Variants in B4GALNT3 observed in about 807,000 individuals in gnomAD.
B4GALNT3 encodes beta-1,4-N-acetylgalactosaminyltransferase 3.
Under a neutral mutation model 120.2 loss-of-function variants are expected in B4GALNT3, and 86 were observed. The observed-to-expected ratio is 0.72, with a 90% CI of 0.60 to 0.86. The LOEUF (loss-of-function observed/expected upper bound fraction) is 0.86, where lower values mean the gene tolerates loss of function less well. Among genes scored for constraint, B4GALNT3 ranks in the 40% least tolerant of loss-of-function variants. The pLI, the probability that B4GALNT3 is intolerant of heterozygous loss-of-function variation, is 0.00. For missense variants in B4GALNT3, 1,167 were observed against 1,298.9 expected, an observed-to-expected ratio of 0.90 and a Z score of 1.56; for synonymous variants, 518 against 510.4, an observed-to-expected ratio of 1.01 and a Z score of -0.20.
At chr12:538,052 T>A (rs1486837858) in intron 3 of B4GALNT3, among the ~76,000 whole-genome samples, 1 of 152,210 alleles carries the variant, frequency 6.6e-6, no homozygotes, top group Non-Finnish European at 1.5e-5. Flanking sequence ...GAAAAGAACT[T>A]GCTTTACAGA....
chr12:482,226 C>T (rs975418392), intron 1 of B4GALNT3, among the ~76,000 whole-genome samples: 4 of 152,320 alleles, frequency 2.6e-5, no homozygotes, highest in Middle Eastern at 3.4e-3. Flanking sequence ...CTTTGGGACA[C>T]GTTACCATTT....
Position 552,535 on chromosome 12 carries a change from A to G in B4GALNT3, c.1270+7A>G. 1.2e-6 allele frequency: 2 copies of G among 1,613,236 alleles called. No homozygotes were observed. The highest frequency in any genetic ancestry group is 1.7e-6 in the Non-Finnish European group (2 of 1,179,670). On this transcript the variant is annotated splice_region_variant and intron_variant, in intron 13 of 19. Transcript: ENST00000266383. ...CAGGGGCTGGAGCAGCCAGGTACAG[A>G]GTGACAGCTGAGGCTTCCAGGTCAG...
chr12:530,380 G>A (rs1038286688), intron 1 of B4GALNT3, among the ~76,000 whole-genome samples: 2 of 152,246 alleles, frequency 1.3e-5, no homozygotes, highest in Admixed American at 6.5e-5. Flanking sequence ...TTTTAGCCCT[G>A]GAGTGGAGTT....
Position 552,451 on chromosome 12 carries a change from T to C in B4GALNT3, c.1209-16T>C. The C allele has an allele frequency of 1.2e-6, 2 of 1,613,086 alleles. No homozygotes were observed. Among genetic ancestry groups the C allele is most frequent in the Non-Finnish European group, 1.7e-6 (2 of 1,179,334 alleles). ...CATGCACCGGGTGCCAATGCACACC[T>C]CCCTTCCTCCTGCAGGTTCAGCTTT... On this transcript the variant is annotated splice_polypyrimidine_tract_variant and intron_variant, in intron 12 of 19. Coordinates refer to ENST00000266383, the MANE Select transcript of B4GALNT3 (RefSeq NM_173593.4).
chr12:473,849 G>C (rs1592011186), intron 1 of B4GALNT3, among the ~76,000 whole-genome samples: 1 of 152,188 alleles, frequency 6.6e-6, no homozygotes, highest in South Asian at 2.1e-4. Context: ...TAAACAAACA[G>C]ATCGGGATTT....
intron 3 of B4GALNT3, 106 bp from the exon 4 acceptor site, chr12:544,233 C>T (rs1435323691): frequency 2.0e-6 from 2 of 1,022,380 alleles, no homozygotes; most frequent in Non-Finnish European, 2.9e-6. Context: ...CCTCCTGGAG[C>T]TGAGGGTCTG....
rs774365540 is a variant in B4GALNT3, at chr12:561,303, C to T, written c.2889-40C>T. Reference sequence around the variant, plus strand: ...TGGGGAGGGGCCCCCCAGCTGCCTTCTGTGCTTCTGTTGGCTCATCTGTGT... The same window carrying T: ...TGGGGAGGGGCCCCCCAGCTGCCTTTTGTGCTTCTGTTGGCTCATCTGTGT... On this transcript the variant is annotated intron_variant, in intron 19 of 19. Coordinates refer to ENST00000266383, the MANE Select transcript of B4GALNT3 (RefSeq NM_173593.4). 12 of 1,543,632 alleles carry T rather than the reference C, an allele frequency of 7.8e-6. No individual in the cohort carries two copies. In the South Asian group the frequency reaches 1.3e-4, roughly 17 times the overall value.
chr12:497,607 T>A (rs1277069064), intron 1 of B4GALNT3, among the ~76,000 whole-genome samples: 1 of 152,186 alleles, frequency 6.6e-6, no homozygotes, highest in African/African-American at 2.4e-5. Context: ...AATATCTGTT[T>A]TCATTTCTTT....
intron 1 of B4GALNT3, among the ~76,000 whole-genome samples, chr12:528,535 C>T (rs970773126): frequency 1.3e-4 from 20 of 152,220 alleles, no homozygotes; most frequent in Middle Eastern, 3.2e-3. Flanking sequence ...AGTTCCCTGG[C>T]GCATCGTGTA....
chr12:460,273 C>G lies in B4GALNT3; in HGVS notation c.-104C>G, dbSNP rs1377171919. On this transcript the variant is annotated 5_prime_UTR_variant, in exon 1 of 20. Coordinates refer to ENST00000266383, the MANE Select transcript of B4GALNT3 (RefSeq NM_173593.4). The surrounding 1 kb of genome is among the most constrained non-coding windows in gnomAD (Gnocchi z 8.0). ...AGACGGCCTCGGCGCAGCCCTGAGA[C>G]GCTGGGCCGGGACGCGGGGCGCCCT... 9 of 858,350 alleles carry G rather than the reference C, an allele frequency of 1.0e-5. No individual in the cohort carries two copies. In the African/African-American group the frequency reaches 1.7e-4, roughly 16 times the overall value. 53.2% of individuals were successfully genotyped at this position (858,350 alleles called of 1,614,324 possible).
intron 1 of B4GALNT3, among the ~76,000 whole-genome samples, chr12:520,150 G>T (rs1439571747): frequency 6.6e-6 from 1 of 152,176 alleles, no homozygotes; most frequent in East Asian, 1.9e-4. Flanking sequence ...GGCAAGACAG[G>T]ACATGGGATA....
chr12:474,981 G>T (rs1309976064), intron 1 of B4GALNT3, among the ~76,000 whole-genome samples: 1 of 147,670 alleles, frequency 6.8e-6, no homozygotes, highest in South Asian at 2.2e-4. Flanking sequence ...AAGTGTGGTG[G>T]TGCATGCCTG....
chr12:534,426 C>G (rs1946837926), intron 1 of B4GALNT3, among the ~76,000 whole-genome samples: 1 of 152,258 alleles, frequency 6.6e-6, no homozygotes, highest in East Asian at 1.9e-4. Flanking sequence ...CTGGTGCAGC[C>G]CCTTGCCTCC....
At chr12:512,467 TCCGCCCA>T (rs1946594811) in intron 1 of B4GALNT3, among the ~76,000 whole-genome samples, 2 of 124,384 alleles carry the variant, frequency 1.6e-5, no homozygotes, top group Non-Finnish European at 3.3e-5. Flanking sequence ...CCTTCCACCT[TCCGCCCA>T]CCTTCCACCT....
intron 1 of B4GALNT3, among the ~76,000 whole-genome samples, chr12:466,947 G>A (rs189434942): frequency 9.9e-5 from 15 of 152,082 alleles, no homozygotes; most frequent in African/African-American, 3.4e-4. Flanking sequence ...GGAGCACCAC[G>A]ATGAAGACAC....
At chr12:495,868 A>G (rs1383220806) in intron 1 of B4GALNT3, among the ~76,000 whole-genome samples, 1 of 152,224 alleles carries the variant, frequency 6.6e-6, no homozygotes, top group Non-Finnish European at 1.5e-5. Context: ...GCTACCAAGA[A>G]TTACAAGAAG....
rs186232793 is a variant in B4GALNT3, at chr12:548,192, C to T, written c.787-39C>T. 8.1e-6 allele frequency: 13 copies of T among 1,610,348 alleles called. No homozygotes were observed. The highest frequency in any genetic ancestry group is 3.3e-5 in the Admixed American group (2 of 60,018). ...TGACCCCTGTTGGAAATCCAGCTAC[C>T]TCCCACCTTCTGCATCTACCCTCTC... On this transcript the variant is annotated intron_variant, in intron 8 of 19. Transcript: ENST00000266383. The surrounding 1 kb of genome is among the most constrained non-coding windows in gnomAD (Gnocchi z 4.9).
At chr12:526,775 G>T (rs1004419762) in intron 1 of B4GALNT3, among the ~76,000 whole-genome samples, 1 of 152,160 alleles carries the variant, frequency 6.6e-6, no homozygotes, top group East Asian at 1.9e-4. Context: ...GATCAAATTC[G>T]TGGCTTGGAA....
At chr12:555,982 AC>A (rs1301044065) in intron 14 of B4GALNT3, among the ~76,000 whole-genome samples, 2 of 151,282 alleles carry the variant, frequency 1.3e-5, no homozygotes, top group South Asian at 2.1e-4. Context: ...ACAGGGTTTC[AC>A]CATATTAGCC....
Sources: allele counts gnomAD v4.1 joint callset (sites outside exome capture counted in the v4.1 genomes callset), GRCh38; gene constraint gnomAD v4.1.1; non-coding constraint Gnocchi (gnomAD v3.1); transcripts MANE v1.5; gene names NCBI Gene and HGNC (gene_info 2026-07-23, HGNC 2026-07-21).